The following ZNF782 variants were observed in gnomAD, a reference collection of about 807,000 sequenced individuals.
ZNF782 encodes the protein zinc finger protein 782.
A neutral mutation model predicts 13.0 loss-of-function variants in ZNF782; 12 were observed. The ratio of observed to expected loss-of-function variants is 0.92; its 90% confidence interval spans 0.59 to 1.50. ZNF782 has a LOEUF of 1.50. ZNF782 is among the 40% of genes most tolerant of loss of function. The pLI is 0.00. For synonymous variants in ZNF782, 284 were observed against 283.0 expected (o/e 1.00, Z -0.04); for missense variants, 770 against 822.9 (o/e 0.94, Z 0.79).
chr9:96,820,103 A>G (rs1438508411), intron 5 of ZNF782, among the ~76,000 whole-genome samples: 1 of 152,222 alleles, frequency 6.6e-6, no homozygotes, highest in Non-Finnish European at 1.5e-5. Context: ...GGATCCTGGG[A>G]ACAGGAAAAT....
the ZNF782 span, among the ~76,000 whole-genome samples, chr9:96,920,923 A>AACAAC: frequency 7.3e-6 from 1 of 136,994 alleles, no homozygotes; most frequent in East Asian, 2.3e-4. Context: ...TCAAAAACAA[A>AACAAC]ACATTTTTAT....
chr9:96,820,542 C>CTTTTTTTTT (rs375716425), intron 5 of ZNF782, among the ~76,000 whole-genome samples: 1 of 137,758 alleles, frequency 7.3e-6, no homozygotes. Flanking sequence ...AATAGTGAAT[C>CTTTTTTTTT]TTTTTTTTTT....
chr9:96,822,204 T>C (rs761642878), intron 5 of ZNF782, among the ~76,000 whole-genome samples: 37 of 152,322 alleles, frequency 2.4e-4, no homozygotes, highest in Middle Eastern at 3.4e-3. Context: ...TGTTTGCATT[T>C]AGGGATCATG....
the ZNF782 span, among the ~76,000 whole-genome samples, chr9:96,930,434 GAA>G: frequency 6.6e-6 from 1 of 150,848 alleles, no homozygotes; most frequent in African/African-American, 2.4e-5. Flanking sequence ...TGAGGCAGGA[GAA>G]GTGCTTGAAC....
At chr9:96,890,641 A>G in the ZNF782 span, 1 of 152,210 alleles carries the variant, frequency 6.6e-6, no homozygotes, top group South Asian at 2.1e-4. Flanking sequence ...TGCCACTAGA[A>G]ACCCAATGCA....
intron 1 of ZNF782, among the ~76,000 whole-genome samples, chr9:96,870,064 C>G (rs1299242657): frequency 1.3e-5 from 2 of 152,286 alleles, no homozygotes; most frequent in Admixed American, 1.3e-4. Context: ...CTCCAGCAAT[C>G]TAATTATAGC....
At chr9:96,918,497 G>A in the ZNF782 span, 3 of 150,688 alleles carry the variant, frequency 2.0e-5, no homozygotes, top group Admixed American at 2.0e-4. Flanking sequence ...AAAACAGGGA[G>A]ACATAATATG....
upstream of ZNF782, among the ~76,000 whole-genome samples, chr9:96,878,832 C>A (rs1851927158): frequency 6.6e-6 from 1 of 152,168 alleles, no homozygotes; most frequent in African/African-American, 2.4e-5. Flanking sequence ...AAAATGTGTA[C>A]AAATGAACAT....
chr9:96,901,353 C>A, the ZNF782 span, among the ~76,000 whole-genome samples: 2 of 147,766 alleles, frequency 1.4e-5, no homozygotes, highest in Non-Finnish European at 3.0e-5. Flanking sequence ...CTCACTACAG[C>A]CTCTGCCTCC....
intron 5 of ZNF782, 96 bp downstream of exon 5, chr9:96,826,984 G>T: frequency 2.7e-6 from 2 of 747,076 alleles, no homozygotes; most frequent in Non-Finnish European, 4.0e-6. Flanking sequence ...TTTTTTCAGT[G>T]TATAAATTTT....
At chr9:96,900,747 A>G in the ZNF782 span, among the ~76,000 whole-genome samples, 1 of 152,342 alleles carries the variant, frequency 6.6e-6, no homozygotes, top group East Asian at 1.9e-4. Context: ...GTCTCAAACA[A>G]AACAAAACAA....
chr9:96,833,402 T>C (rs975982954), intron 4 of ZNF782, among the ~76,000 whole-genome samples: 1 of 152,198 alleles, frequency 6.6e-6, no homozygotes, highest in African/African-American at 2.4e-5. Flanking sequence ...CTGTAAACTA[T>C]AAGTGTTTTG....
rs927357831 is a variant in ZNF782, at chr9:96,824,041, C to T, written c.244+3039G>A. ...TCAACAGAAAAAGAGGGAGTCCTCC[C>T]TAACTCATTTTATGAGGCCAGCATC... On this transcript the variant is annotated intron_variant, in intron 5 of 5. Coordinates refer to ENST00000481138, the MANE Select transcript of ZNF782 (RefSeq NM_001001662.3). Among the ~76,000 whole-genome samples the T allele has an allele frequency of 8.5e-5, 13 of 152,104 alleles. 1 individual carries two copies. The highest frequency in any genetic ancestry group is 2.4e-4 in the African/African-American group (10 of 41,408).
At chr9:96,825,199 A>G (rs1160653754) in intron 5 of ZNF782, among the ~76,000 whole-genome samples, 1 of 151,862 alleles carries the variant, frequency 6.6e-6, no homozygotes, top group East Asian at 1.9e-4. Flanking sequence ...TACTGGTACC[A>G]AAACAGAGAT....
intron 3 of ZNF782, among the ~76,000 whole-genome samples, chr9:96,849,442 G>A (rs148521966): frequency 1.7e-3 from 264 of 152,316 alleles, no homozygotes; most frequent in African/African-American, 5.9e-3. Context: ...AATAAATGGT[G>A]CTGGTAAAAG....
chr9:96,896,732 G>A, the ZNF782 span, among the ~76,000 whole-genome samples: 1 of 152,200 alleles, frequency 6.6e-6, no homozygotes, highest in African/African-American at 2.4e-5. Flanking sequence ...AGCAGGCTCT[G>A]CAACAGGTCC....
the ZNF782 span, chr9:96,909,947 T>C: frequency 2.4e-6 from 1 of 412,624 alleles, no homozygotes; most frequent in Non-Finnish European, 4.5e-6. Flanking sequence ...CATCTTTGCA[T>C]TGTTCCTTGT....
chr9:96,850,610 T>A lies in ZNF782; in HGVS notation c.15+1337A>T, dbSNP rs1240288753. On this transcript the variant is annotated intron_variant, in intron 3 of 5. Coordinates refer to ENST00000481138, the MANE Select transcript of ZNF782 (RefSeq NM_001001662.3). This position sits in a 1 kb window ranked among gnomAD's most constrained non-coding sequence, Gnocchi z 4.3. ...TAAAATCTCAGAATTCACCACTATA[T>A]AATTCATCCATGTAACAAGAAACCA... Among the ~76,000 whole-genome samples, 1 of 152,130 alleles carries A rather than the reference T, an allele frequency of 6.6e-6. No individual in the cohort carries two copies. The highest frequency in any genetic ancestry group is 1.5e-5 in the Non-Finnish European group (1 of 68,018).
At chr9:96,888,071 T>G in the ZNF782 span, 1 of 149,230 alleles carries the variant, frequency 6.7e-6, no homozygotes. Flanking sequence ...TAATGTTAAA[T>G]GACGAGTTAC....
Sources: allele counts gnomAD v4.1 joint callset (sites outside exome capture counted in the v4.1 genomes callset), GRCh38; gene constraint gnomAD v4.1.1; non-coding constraint Gnocchi (gnomAD v3.1); transcripts MANE v1.5; gene names NCBI Gene and HGNC (gene_info 2026-07-23, HGNC 2026-07-21).